The following SHANK2 variants were observed in gnomAD, a reference collection of about 807,000 sequenced individuals.
The protein encoded by SHANK2 is SH3 and multiple ankyrin repeat domains 2, also known as SH3 and multiple ankyrin repeat domains protein 2.
SHANK2 carries 43 observed loss-of-function variants against 133.7 expected under a neutral mutation model. The ratio of observed to expected loss-of-function variants is 0.32; its 90% CI spans 0.25 to 0.41. The LOEUF (loss-of-function observed/expected upper bound fraction) is 0.41, where lower values mean the gene tolerates loss of function less well. Ranked by LOEUF, SHANK2 falls within the 10% of genes least tolerant of loss-of-function variation. The pLI is 1.00. For synonymous variants in SHANK2, 1,017 were observed against 952.8 expected (o/e 1.07, Z -1.24); for missense variants, 1,994 against 2,235.8 (o/e 0.89, Z 2.18).
intron 15 of SHANK2, among the ~76,000 whole-genome samples, chr11:70,685,088 T>C (rs1430835404): frequency 6.6e-6 from 1 of 151,974 alleles, no homozygotes; most frequent in Non-Finnish European, 1.5e-5. Flanking sequence ...CCCCAGATGG[T>C]GTGGCCAGAG....
At chr11:70,548,910 C>T (rs1591565684) in intron 17 of SHANK2, among the ~76,000 whole-genome samples, 3 of 152,204 alleles carry the variant, frequency 2.0e-5, no homozygotes, top group African/African-American at 7.2e-5. Context: ...TGCTGCAAGC[C>T]AAGGGGTGCT....
intron 15 of SHANK2, among the ~76,000 whole-genome samples, chr11:70,672,673 T>C (rs1944835258): frequency 6.6e-6 from 1 of 152,272 alleles, no homozygotes; most frequent in African/African-American, 2.4e-5. Flanking sequence ...CTTTTCTCTC[T>C]GCTTTGCTTT....
rs782679665 is a variant in SHANK2, at chr11:70,487,500, C to A, written c.2793G>T (p.Lys931Asn). 3 of 1,613,950 alleles carry A rather than the reference C, an allele frequency of 1.9e-6. No individual in the cohort carries two copies. Among genetic ancestry groups the A allele is most frequent in the East Asian group, 2.2e-5 (1 of 44,844 alleles). Residue 931 changes from lysine to asparagine, a missense_variant, in exon 25 of 26, where the codon AAG becomes AAT. Transcript: ENST00000601538. The surrounding 1 kb of genome is among the most constrained non-coding windows in gnomAD (Gnocchi z 5.8). ...TGTCGGACCTGGTGGCGGGGGACAC[C>A]TTGGCGGCAGAATTCTGATTGAACG... The part of the protein sequence containing the change: ...KPAFNQNSAA[K>N]VSPATRSDTV...
At chr11:70,793,492 C>A (rs180673594) in intron 14 of SHANK2, among the ~76,000 whole-genome samples, 4 of 152,226 alleles carry the variant, frequency 2.6e-5, no homozygotes, top group African/African-American at 9.6e-5. Context: ...AGAACTCCTA[C>A]AAACCAATAA....
intron 2 of SHANK2, among the ~76,000 whole-genome samples, chr11:71,190,924 T>C (rs1182096675): frequency 3.3e-5 from 5 of 151,978 alleles, no homozygotes; most frequent in African/African-American, 1.2e-4. Context: ...TGCATACATA[T>C]GCATGCATGC....
intron 12 of SHANK2, among the ~76,000 whole-genome samples, chr11:70,812,794 A>G (rs886599778): frequency 6.6e-6 from 1 of 152,158 alleles, no homozygotes; most frequent in African/African-American, 2.4e-5. Flanking sequence ...CTGCATCCCA[A>G]ACTGTCCATG....
At chr11:71,152,331 C>G (rs1344952730) in intron 2 of SHANK2, among the ~76,000 whole-genome samples, 2 of 152,178 alleles carry the variant, frequency 1.3e-5, no homozygotes, top group Non-Finnish European at 2.9e-5. Context: ...CCAGGCTGGT[C>G]TCAAACTCCT....
chr11:70,911,114 C>T (rs1555078930), intron 10 of SHANK2: 6 of 456,780 alleles, frequency 1.3e-5, no homozygotes, highest in Non-Finnish European at 2.6e-5. Flanking sequence ...TCTCCACATG[C>T]CTCTTTCCCC....
At chr11:70,948,820 T>C (rs910470290) in intron 10 of SHANK2, among the ~76,000 whole-genome samples, 2 of 152,226 alleles carry the variant, frequency 1.3e-5, no homozygotes, top group African/African-American at 4.8e-5. Flanking sequence ...GAAAGCTGAA[T>C]TTTTTAATGA....
chr11:70,926,574 A>G (rs1468058642), intron 10 of SHANK2, among the ~76,000 whole-genome samples: 1 of 152,220 alleles, frequency 6.6e-6, no homozygotes, highest in African/African-American at 2.4e-5. Flanking sequence ...GCACTGCAGC[A>G]CTACGATAGG....
intron 2 of SHANK2, among the ~76,000 whole-genome samples, chr11:71,202,669 T>C (rs1253573529): frequency 6.6e-6 from 1 of 152,002 alleles, no homozygotes; most frequent in Non-Finnish European, 1.5e-5. Flanking sequence ...CTTTGGGAAG[T>C]CTCTGAGTCA....
chr11:70,756,774 C>A (rs547638141), intron 14 of SHANK2, among the ~76,000 whole-genome samples: 10 of 152,318 alleles, frequency 6.6e-5, no homozygotes, highest in African/African-American at 2.2e-4. Context: ...TTCTGACATA[C>A]GGAATTTTGC....
intron 21 of SHANK2, among the ~76,000 whole-genome samples, chr11:70,494,782 C>G (rs569849541): frequency 1.6e-4 from 24 of 152,310 alleles, no homozygotes; most frequent in African/African-American, 5.3e-4. Flanking sequence ...CAAGAAAGCC[C>G]TTGCCCCATA....
chr11:70,703,224 G>A (rs138329004), intron 14 of SHANK2, among the ~76,000 whole-genome samples: 2 of 152,318 alleles, frequency 1.3e-5, no homozygotes, highest in Non-Finnish European at 2.9e-5. Context: ...ACGTTGCTGT[G>A]TCTGGTTTAC....
At chr11:70,495,147 C>T (rs1052630016) in intron 21 of SHANK2, among the ~76,000 whole-genome samples, 2 of 152,198 alleles carry the variant, frequency 1.3e-5, no homozygotes, top group Non-Finnish European at 2.9e-5. Flanking sequence ...CATCCCAGCT[C>T]CTCCGGCTGC....
At chr11:71,087,896 T>C (rs1204950597) in intron 8 of SHANK2, among the ~76,000 whole-genome samples, 10 of 152,324 alleles carry the variant, frequency 6.6e-5, no homozygotes, top group African/African-American at 2.2e-4. Flanking sequence ...CCCAAAGTGC[T>C]GGGATTACAG....
At chr11:70,726,210 GC>G (rs1206512016) in intron 14 of SHANK2, among the ~76,000 whole-genome samples, 10 of 152,134 alleles carry the variant, frequency 6.6e-5, no homozygotes, top group African/African-American at 2.4e-4. Flanking sequence ...CAGAGGCCCT[GC>G]CCCCTCACCT....
At chr11:71,169,011 G>T (rs566696742) in intron 2 of SHANK2, among the ~76,000 whole-genome samples, 1 of 152,144 alleles carries the variant, frequency 6.6e-6, no homozygotes, top group East Asian at 1.9e-4. Context: ...TGGTGCAAAA[G>T]TAATTGTGGG....
At chr11:70,865,500 G>A (rs1949340541) in intron 11 of SHANK2, among the ~76,000 whole-genome samples, 1 of 152,312 alleles carries the variant, frequency 6.6e-6, no homozygotes, top group South Asian at 2.1e-4. Context: ...AAGTGCAGAA[G>A]TCAGGTGCCG....
Sources: allele counts gnomAD v4.1 joint callset (sites outside exome capture counted in the v4.1 genomes callset), GRCh38; gene constraint gnomAD v4.1.1; non-coding constraint Gnocchi (gnomAD v3.1); transcripts MANE v1.5; gene names NCBI Gene and HGNC (gene_info 2026-07-23, HGNC 2026-07-21).